The following PCDHA7 variants were observed in gnomAD, a reference collection of about 807,000 sequenced individuals.
PCDHA7 encodes protocadherin alpha 7.
Under a neutral mutation model 57.2 loss-of-function variants are expected in PCDHA7, and 37 were observed. The ratio of observed to expected loss-of-function variants is 0.65; its 90% CI spans 0.50 to 0.85. PCDHA7 has a LOEUF of 0.85. Among genes scored for constraint, PCDHA7 ranks in the 40% least tolerant of loss-of-function variants. The pLI is 0.00. For synonymous variants in PCDHA7, 553 were observed against 558.8 expected, an observed-to-expected ratio of 0.99 and a Z score of 0.15; for missense variants, 1,188 against 1,241.8, an observed-to-expected ratio of 0.96 and a Z score of 0.65.
At chr5:140,978,788 T>TA (rs2096823213) in intron 1 of PCDHA7, 161 bp from the exon 2 acceptor site, 1 of 974,810 alleles carries the variant, frequency 1.0e-6, no homozygotes, top group Non-Finnish European at 1.2e-6. Flanking sequence ...TCTAAAGTGC[T>TA]ATATATGTAG....
At chr5:140,951,967 C>A (rs2094665815) in intron 1 of PCDHA7, among the ~76,000 whole-genome samples, 1 of 152,166 alleles carries the variant, frequency 6.6e-6, no homozygotes, top group South Asian at 2.1e-4. Context: ...GTAAATACTC[C>A]TGTTCCAAAA....
chr5:140,848,554 T>G (rs1554142197), intron 1 of PCDHA7: 4 of 1,595,574 alleles, frequency 2.5e-6, no homozygotes, highest in Admixed American at 3.4e-5. Flanking sequence ...TCGCTTCTGA[T>G]CCTCGCAATG....
At chr5:140,985,459 C>A (rs1587084925) in intron 3 of PCDHA7, among the ~76,000 whole-genome samples, 1 of 152,236 alleles carries the variant, frequency 6.6e-6, no homozygotes, top group East Asian at 1.9e-4. Flanking sequence ...GGGAAATGCT[C>A]CAAAAAATTT....
intron 1 of PCDHA7, chr5:140,861,823 G>A (rs2047101556): frequency 1.3e-5 from 2 of 159,302 alleles, no homozygotes; most frequent in Non-Finnish European, 2.7e-5. Flanking sequence ...TTTCAGATAG[G>A]TAAGTCACTT....
intron 1 of PCDHA7, among the ~76,000 whole-genome samples, chr5:140,891,735 A>G (rs1200695234): frequency 2.6e-5 from 4 of 152,172 alleles, no homozygotes; most frequent in African/African-American, 9.7e-5. Context: ...TGAAAATTCA[A>G]TCCCTTATAC....
chr5:140,939,182 C>T (rs2092333864), intron 1 of PCDHA7, among the ~76,000 whole-genome samples: 1 of 152,146 alleles, frequency 6.6e-6, no homozygotes, highest in African/African-American at 2.4e-5. Context: ...GGCCCACTCC[C>T]TGGTTCATAA....
chr5:140,968,357 C>A (rs1554230636), intron 1 of PCDHA7: 2 of 1,614,080 alleles, frequency 1.2e-6, no homozygotes, highest in Non-Finnish European at 1.7e-6. Flanking sequence ...CAGTGGCAGC[C>A]TTTATGCTGT....
intron 1 of PCDHA7, among the ~76,000 whole-genome samples, chr5:140,913,389 C>T (rs1427012396): frequency 6.6e-6 from 1 of 152,122 alleles, no homozygotes; most frequent in Admixed American, 6.5e-5. Flanking sequence ...CTCATCATAG[C>T]CACTAATGAT....
chr5:140,898,887 C>T (rs1554188288), intron 1 of PCDHA7, among the ~76,000 whole-genome samples: 1 of 152,028 alleles, frequency 6.6e-6, no homozygotes, highest in Non-Finnish European at 1.5e-5. Context: ...TTGTAGTTCT[C>T]CTTGAAGAGG....
intron 3 of PCDHA7, among the ~76,000 whole-genome samples, chr5:141,005,619 G>A (rs996010701): frequency 6.8e-5 from 10 of 146,082 alleles, no homozygotes; most frequent in South Asian, 2.2e-4. Flanking sequence ...GGAGAATGGC[G>A]TGAACCCGGG....
rs1774663791 is a variant in PCDHA7, at chr5:140,836,666, G to T, written c.2283G>T (p.Gly761=). 6.2e-7 allele frequency: 1 copy of T among 1,613,284 alleles called. No homozygotes were observed. The highest frequency in any genetic ancestry group is 1.3e-5 in the African/African-American group (1 of 74,796). The change falls in exon 1 of 4, where the codon GGG becomes GGT. Residue 761 remains glycine, a synonymous_variant. Coordinates refer to ENST00000525929, the MANE Select transcript of PCDHA7 (RefSeq NM_018910.3). ...AGAGGCGGCAGAGGGTGTGCTCTGG[G>T]GAGGGCCCACCCAAGACAGACCTCA... ...SQQRRQRVCS[G]EGPPKTDLMA...
In PCDHA7 at chr5:140,855,086, A is replaced by G. The variant is rs998686310; in HGVS notation, c.2355+18348A>G. ...CTTAAATACAGAAACCACCACTCTCAGCCTGTGCAGTAGCAATAATTAAGG... is the reference window on the plus strand; with the variant it reads ...CTTAAATACAGAAACCACCACTCTCGGCCTGTGCAGTAGCAATAATTAAGG... On this transcript the variant is annotated intron_variant, in intron 1 of 3. Transcript: ENST00000525929. Among the ~76,000 whole-genome samples the G allele has an allele frequency of 3.5e-4, 52 of 150,018 alleles. 3 individuals are homozygous for G. Among genetic ancestry groups the G allele is most frequent in the African/African-American group, 1.2e-3 (49 of 41,006 alleles).
intron 1 of PCDHA7, among the ~76,000 whole-genome samples, chr5:140,976,735 T>G (rs1412647375): frequency 1.3e-5 from 2 of 152,160 alleles, no homozygotes; most frequent in Non-Finnish European, 2.9e-5. Flanking sequence ...TTAAACACAT[T>G]TTAAAAACCT....
chr5:140,904,397 T>G (rs2071090298), intron 1 of PCDHA7, among the ~76,000 whole-genome samples: 1 of 151,416 alleles, frequency 6.6e-6, no homozygotes, highest in East Asian at 1.9e-4. Flanking sequence ...TATTCCATGG[T>G]GTATTATATA....
chr5:140,846,457 C>T lies in PCDHA7; in HGVS notation c.2355+9719C>T, dbSNP rs111351744. Among the ~76,000 whole-genome samples the T allele has an allele frequency of 5.2e-3, 745 of 144,004 alleles. 43 individuals carry two copies. The highest frequency in any genetic ancestry group is 0.018 in the African/African-American group (687 of 39,152). 94.5% of individuals were successfully genotyped at this position (144,004 alleles called of 152,430 possible). On this transcript the variant is annotated intron_variant, in intron 1 of 3. Coordinates refer to ENST00000525929, the MANE Select transcript of PCDHA7 (RefSeq NM_018910.3). ...TGGCGCAATCTCGGCTCACTGCAAC[C>T]TCTGCCTCCCGGGTTCAAATGATTC...
At chr5:140,885,482 G>A (rs1174553739) in intron 1 of PCDHA7, among the ~76,000 whole-genome samples, 1 of 152,150 alleles carries the variant, frequency 6.6e-6, no homozygotes, top group Non-Finnish European at 1.5e-5. Context: ...TTTGTGTCAA[G>A]TGTTCTGTTA....
chr5:140,997,375 G>A (rs983164883), intron 3 of PCDHA7, among the ~76,000 whole-genome samples: 1 of 152,066 alleles, frequency 6.6e-6, no homozygotes, highest in Non-Finnish European at 1.5e-5. Flanking sequence ...AGATGATATA[G>A]CATACTACAC....
intron 1 of PCDHA7, among the ~76,000 whole-genome samples, chr5:140,951,315 C>A (rs782114634): frequency 6.6e-6 from 1 of 151,988 alleles, no homozygotes; most frequent in Non-Finnish European, 1.5e-5. Context: ...ATGTGTTATT[C>A]TTGAGATTCA....
In PCDHA7 at chr5:140,836,432, G is replaced by T; in HGVS notation, c.2049G>T (p.Ser683=). Residue 683 remains serine, a synonymous_variant, in exon 1 of 4, where the codon TCG becomes TCT. Coordinates refer to ENST00000525929, the MANE Select transcript of PCDHA7 (RefSeq NM_018910.3). ...GQAPKASSRA[S]LGIAGPETEL... ...CACCAAAGGCGTCGTCGCGGGCATC[G>T]TTGGGCATTGCAGGCCCAGAGACCG... 3 of 1,613,830 alleles carry T rather than the reference G, an allele frequency of 1.9e-6. No individual in the cohort carries two copies. The highest frequency in any genetic ancestry group is 1.1e-5 in the South Asian group (1 of 91,074).
Sources: gnomAD v4.1 joint callset for allele counts (sites outside exome capture counted in the v4.1 genomes callset) on GRCh38, gnomAD v4.1.1 for gene constraint, MANE v1.5 for transcripts, NCBI Gene and HGNC (gene_info 2026-07-23, HGNC 2026-07-21) for gene names.